SCAMP2: variants seen among roughly 807,000 people sequenced by gnomAD.
SCAMP2 encodes the protein secretory carrier-associated membrane protein 2.
In SCAMP2, 25 loss-of-function variants were observed where a neutral mutation model predicts 44.1. The ratio of observed to expected loss-of-function variants is 0.57; its 90% CI spans 0.41 to 0.79. The LOEUF (loss-of-function observed/expected upper bound fraction) is 0.79. Ranked by LOEUF, SCAMP2 falls within the 30% of genes least tolerant of loss-of-function variation. The pLI is 0.00. For missense variants in SCAMP2, 355 were observed against 411.0 expected (o/e 0.86, Z 1.18); for synonymous variants, 156 against 166.0 (o/e 0.94, Z 0.46).
Position 74,844,897 on chromosome 15 carries a change from A to AG in SCAMP2, c.*185dup, listed in dbSNP as rs1466407465. The AG allele has an allele frequency of 5.0e-6, 3 of 602,688 alleles. No individual in the cohort carries two copies. The highest frequency in any genetic ancestry group is 3.0e-5 in the Admixed American group (1 of 33,166). 37.3% of individuals were successfully genotyped at this position (602,688 alleles called of 1,614,324 possible). ...GAGCTTTGTTTTTTTTTGTACATAG[A>AG]GGGGGAAAAAATTCCCTGTCCCTCC... is the stretch of plus-strand genomic sequence containing the variant. On this transcript the variant is annotated 3_prime_UTR_variant, in exon 9 of 9. Coordinates refer to ENST00000268099, the MANE Select transcript of SCAMP2 (RefSeq NM_005697.5).
chr15:74,862,169 AGG>A (rs2064509579), intron 1 of SCAMP2, among the ~76,000 whole-genome samples: 1 of 148,022 alleles, frequency 6.8e-6, no homozygotes, highest in Non-Finnish European at 1.5e-5. Flanking sequence ...AGGCTGAGGC[AGG>A]AGAATCGCTT....
At position 74,850,487 on chromosome 15, in the gene SCAMP2, C is replaced by T. The variant is rs547187138; in HGVS notation, c.632+27G>A. ...CTACCTGGGATGCCAGCCATAAAGT[C>T]TCACCCCTTGCCCCGGCCTCACTCA... On this transcript the variant is annotated intron_variant, in intron 6 of 8. Coordinates refer to ENST00000268099, the MANE Select transcript of SCAMP2 (RefSeq NM_005697.5). The T allele has an allele frequency of 6.8e-6, 11 of 1,610,648 alleles. No individual in the cohort carries two copies. In the African/African-American group the frequency reaches 1.3e-4, roughly 20 times the overall value.
intron 5 of SCAMP2, among the ~76,000 whole-genome samples, chr15:74,851,132 C>T (rs992895176): frequency 1.3e-5 from 2 of 152,120 alleles, no homozygotes; most frequent in African/African-American, 4.8e-5. Context: ...CTAGTTAGTC[C>T]CACCCTCCCT....
intron 7 of SCAMP2, among the ~76,000 whole-genome samples, chr15:74,847,086 AT>A (rs34231883): frequency 0.23 from 24,298 of 106,746 alleles, 1,830 homozygotes; most frequent in Middle Eastern, 0.29. Context: ...TTGTCAGTTA[AT>A]TTTTTTTTTT....
chr15:74,853,671 A>G (rs981790703), intron 3 of SCAMP2: 6 of 399,850 alleles, frequency 1.5e-5, no homozygotes, highest in South Asian at 1.1e-4. Flanking sequence ...AGTTAAAAAA[A>G]AGAGAGAGAT....
intron 7 of SCAMP2, among the ~76,000 whole-genome samples, chr15:74,848,041 G>A (rs948567550): frequency 6.6e-6 from 1 of 151,706 alleles, no homozygotes; most frequent in African/African-American, 2.4e-5. Context: ...CAATACCCTG[G>A]AAAGTGGAGA....
intron 1 of SCAMP2, among the ~76,000 whole-genome samples, chr15:74,870,875 C>CA (rs1374419461): frequency 6.6e-6 from 1 of 152,178 alleles, no homozygotes. Flanking sequence ...CTGTGAATGA[C>CA]AGGAAGGACT....
At chr15:74,854,974 G>GT (rs1205211475) in intron 1 of SCAMP2, among the ~76,000 whole-genome samples, 7,488 of 138,048 alleles carry the variant, frequency 0.054, 590 homozygotes, top group African/African-American at 0.18. Flanking sequence ...TAGGGAGTGG[G>GT]TTTTTTTTTT....
chr15:74,854,146 A>G (rs1227267366), intron 2 of SCAMP2, 27 bp from the exon 3 acceptor site: 1 of 1,593,894 alleles, frequency 6.3e-7, no homozygotes, highest in Admixed American at 1.7e-5. Flanking sequence ...AAAAGACAGA[A>G]TTGAGTGGGA....
intron 1 of SCAMP2, among the ~76,000 whole-genome samples, chr15:74,867,099 G>A (rs1232247889): frequency 6.6e-6 from 1 of 152,172 alleles, no homozygotes; most frequent in Non-Finnish European, 1.5e-5. Flanking sequence ...CCCAGCCTCA[G>A]TGAGTATTTC....
rs551116869 is a variant in SCAMP2 at position 74,845,406 on chromosome 15, G to A, written c.855+67C>T. The A allele has an allele frequency of 8.6e-5, 139 of 1,611,456 alleles. 1 individual carries two copies. In the African/African-American group the frequency reaches 1.2e-3, roughly 14 times the overall value. ...CAACTGCAGTGGTGAAAAACATCTC[G>A]TGGCAAGGGCAGGAAACGGTTGCCT... On this transcript the variant is annotated intron_variant, in intron 8 of 8. Coordinates refer to ENST00000268099, the MANE Select transcript of SCAMP2 (RefSeq NM_005697.5).
In SCAMP2 at chr15:74,845,112, C is replaced by T; in HGVS notation, c.961G>A (p.Ala321Thr). 1 of 1,613,994 alleles carries T rather than the reference C, an allele frequency of 6.2e-7. No individual in the cohort carries two copies. The highest frequency in any genetic ancestry group is 8.5e-7 in the Non-Finnish European group (1 of 1,179,958). ...TTCCCCTGGAAGGCTCCTTGGGCAGCAGATGAAGCAGCTCTGTGGAAGGTT... is the reference window on the plus strand; with the variant it reads ...TTCCCCTGGAAGGCTCCTTGGGCAGTAGATGAAGCAGCTCTGTGGAAGGTT... ...SRTFHRAASS[A>T]AQGAFQGN The change falls in exon 9 of 9, where the codon GCT becomes ACT. Residue 321 changes from alanine (A) to threonine (T), a missense_variant. Transcript: ENST00000268099.
chr15:74,863,236 T>G (rs527401070), intron 1 of SCAMP2, among the ~76,000 whole-genome samples: 2 of 151,988 alleles, frequency 1.3e-5, no homozygotes, highest in Admixed American at 1.3e-4. Flanking sequence ...CCCCAGCTAC[T>G]TGGGAAGCTG....
chr15:74,863,375 G>A (rs2064521476), intron 1 of SCAMP2, among the ~76,000 whole-genome samples: 3 of 151,088 alleles, frequency 2.0e-5, no homozygotes, highest in South Asian at 2.1e-4. Flanking sequence ...GCCAGGTCTC[G>A]TCGTGGGTAC....
At chr15:74,853,911 G>C (rs544148166) in intron 3 of SCAMP2, 110 bp downstream of exon 3, 2 of 983,254 alleles carry the variant, frequency 2.0e-6, no homozygotes, top group African/African-American at 3.2e-5. Context: ...AGGGCCCTTA[G>C]GGGGCCAAGG....
At position 74,850,566 on chromosome 15, in the gene SCAMP2, A is replaced by C; in HGVS notation, c.580T>G (p.Phe194Val). The change falls in exon 6 of 9, where the codon TTC becomes GTC. Residue 194 changes from phenylalanine (F) to valine (V), a missense_variant. Physicochemically the swap from Phe to Val is conservative, Grantham distance 50. Coordinates refer to ENST00000268099, the MANE Select transcript of SCAMP2 (RefSeq NM_005697.5). The stretch of plus-strand genomic sequence containing the variant: ...CAACAAAGGAAGGCACAGGGAGTGA[A>C]GATCAGAAACCACAGGATGGAGAGG... ...FGLSILWFLI[F>V]TPCAFLCWYR... The C allele has an allele frequency of 6.2e-7, 1 of 1,614,130 alleles. No homozygotes were observed. The highest frequency in any genetic ancestry group is 8.5e-7 in the Non-Finnish European group (1 of 1,179,990).
At chr15:74,853,288 A>T in intron 3 of SCAMP2, 1 of 405,772 alleles carries the variant, frequency 2.5e-6, no homozygotes, top group East Asian at 7.3e-5. Flanking sequence ...TCACCTCCAC[A>T]GGGCTCTGGG....
chr15:74,857,181 G>T (rs1281129269), intron 1 of SCAMP2, among the ~76,000 whole-genome samples: 1 of 152,160 alleles, frequency 6.6e-6, no homozygotes, highest in Non-Finnish European at 1.5e-5. Flanking sequence ...ACTGTGTCTG[G>T]ACGGGCCTCA....
intron 1 of SCAMP2, among the ~76,000 whole-genome samples, chr15:74,863,346 C>CAA (rs150913695): frequency 1.3e-3 from 168 of 129,998 alleles, no homozygotes; most frequent in Non-Finnish European, 2.1e-3. Flanking sequence ...GACTCCGTCT[C>CAA]AAAAAAAAAA....
Sources: gnomAD v4.1 joint callset for allele counts (sites outside exome capture counted in the v4.1 genomes callset) on GRCh38, gnomAD v4.1.1 for gene constraint, MANE v1.5 for transcripts, NCBI Gene and HGNC (gene_info 2026-07-23, HGNC 2026-07-21) for gene names.